CD99L2: variants seen among roughly 807,000 people sequenced by gnomAD.
CD99L2 encodes the protein CD99 antigen-like protein 2.
A neutral mutation model predicts 27.3 loss-of-function variants in CD99L2; 24 were observed. That is an observed-to-expected ratio of 0.88 (90% CI 0.64 to 1.24). The LOEUF is 1.24. CD99L2 is among the 50% of genes most tolerant of loss of function. CD99L2 has a pLI of 0.00. For missense variants in CD99L2, 255 were observed against 221.6 expected, an observed-to-expected ratio of 1.15 and a Z score of -0.96; for synonymous variants, 97 against 87.9, an observed-to-expected ratio of 1.10 and a Z score of -0.58.
intron 1 of CD99L2, among the ~76,000 whole-genome samples, chrX:150,846,179 G>A (rs1406802761): frequency 6.3e-5 from 7 of 111,967 alleles, no homozygotes; most frequent in East Asian, 2.8e-4. Flanking sequence ...GCGACAGTGC[G>A]AGACTCTATC....
At chrX:150,819,323 C>T in intron 2 of CD99L2, 1 of 243,987 alleles carries the variant, frequency 4.1e-6, no homozygotes, top group South Asian at 4.7e-5. Context: ...ATTCCATTTG[C>T]TCTCAATATC....
intron 1 of CD99L2, among the ~76,000 whole-genome samples, chrX:150,854,823 C>G (rs1383974148): frequency 1.8e-5 from 2 of 111,038 alleles, no homozygotes; most frequent in Admixed American, 9.6e-5. Context: ...GCTGCAGAGG[C>G]CCCCGATTAT....
intron 1 of CD99L2, among the ~76,000 whole-genome samples, chrX:150,847,585 T>A (rs782147952): frequency 2.7e-5 from 3 of 110,451 alleles, no homozygotes; most frequent in East Asian, 5.7e-4. Context: ...ATAAAATGAC[T>A]ATCTATCCTT....
intron 1 of CD99L2, among the ~76,000 whole-genome samples, chrX:150,877,716 G>A (rs905920974): frequency 3.6e-4 from 40 of 110,836 alleles, no homozygotes; most frequent in African/African-American, 1.3e-3. Context: ...CTACTCAGGA[G>A]GCTACGGCAG....
intron 1 of CD99L2, among the ~76,000 whole-genome samples, chrX:150,886,110 GAGC>G (rs2124379327): frequency 8.9e-6 from 1 of 112,158 alleles, no homozygotes; most frequent in African/African-American, 3.2e-5. Flanking sequence ...AGAACTGTCT[GAGC>G]TGATACCAAT....
At chrX:150,862,240 C>A (rs1335645410) in intron 1 of CD99L2, among the ~76,000 whole-genome samples, 1 of 112,084 alleles carries the variant, frequency 8.9e-6, no homozygotes, top group Non-Finnish European at 1.9e-5. Flanking sequence ...CCCATTCTAA[C>A]CCCCAGAGCC....
chrX:150,889,338 G>A (rs1557422709), intron 1 of CD99L2, among the ~76,000 whole-genome samples: 1 of 112,331 alleles, frequency 8.9e-6, no homozygotes, highest in East Asian at 2.8e-4. Flanking sequence ...GCCTCCCTGG[G>A]GTTAGCCCAT....
chrX:150,831,848 T>A (rs782239533), intron 1 of CD99L2, among the ~76,000 whole-genome samples: 10 of 111,673 alleles, frequency 9.0e-5, no homozygotes, highest in Non-Finnish European at 1.9e-4. Context: ...ATTAAGAAAG[T>A]ATAACAATTG....
At chrX:150,824,162 G>A (rs1236731971) in intron 2 of CD99L2, among the ~76,000 whole-genome samples, 2 of 25,639 alleles carry the variant, frequency 7.8e-5, no homozygotes, top group African/African-American at 2.5e-4. Context: ...GGAGGAGGAG[G>A]AGGAGGAGGA....
intron 9 of CD99L2, among the ~76,000 whole-genome samples, chrX:150,770,650 G>A (rs782432613): frequency 2.7e-5 from 3 of 113,049 alleles, no homozygotes; most frequent in Admixed American, 1.9e-4. Context: ...AGCTGCCACC[G>A]CGTCAAGACG....
chrX:150,797,693 C>G (rs1382688494), intron 4 of CD99L2, among the ~76,000 whole-genome samples: 1 of 111,890 alleles, frequency 8.9e-6, no homozygotes, highest in East Asian at 2.8e-4. Flanking sequence ...ACAAATATCA[C>G]AACACGTGTG....
intron 9 of CD99L2, among the ~76,000 whole-genome samples, chrX:150,775,184 G>A (rs2043528865): frequency 2.7e-5 from 3 of 112,380 alleles, no homozygotes; most frequent in Admixed American, 1.9e-4. Flanking sequence ...AGACTTAAGG[G>A]CGGAGGGCCA....
chrX:150,774,168 A>G (rs781970412), intron 9 of CD99L2, among the ~76,000 whole-genome samples: 2 of 112,039 alleles, frequency 1.8e-5, no homozygotes, highest in African/African-American at 3.2e-5. Context: ...CATTTTAGTT[A>G]CCAACTAGTT....
At chrX:150,823,880 C>A (rs2046276783) in intron 2 of CD99L2, among the ~76,000 whole-genome samples, 1 of 110,341 alleles carries the variant, frequency 9.1e-6, no homozygotes. Flanking sequence ...ACCCTCATGA[C>A]CCAATCACCT....
intron 1 of CD99L2, among the ~76,000 whole-genome samples, chrX:150,832,720 T>C (rs1403556583): frequency 2.7e-5 from 3 of 110,819 alleles, no homozygotes; most frequent in Non-Finnish European, 5.7e-5. Flanking sequence ...TGTCTCTCTT[T>C]GCAAATGACA....
At chrX:150,811,664 A>G (rs2046073947) in intron 4 of CD99L2, among the ~76,000 whole-genome samples, 1 of 112,031 alleles carries the variant, frequency 8.9e-6, no homozygotes, top group Non-Finnish European at 1.9e-5. Flanking sequence ...AAATATAAGG[A>G]TACCAAGTGC....
At chrX:150,882,292 G>A (rs2047342708) in intron 1 of CD99L2, among the ~76,000 whole-genome samples, 1 of 111,634 alleles carries the variant, frequency 9.0e-6, no homozygotes, top group Non-Finnish European at 1.9e-5. Context: ...GAGCACCAAG[G>A]TTTAGACTCT....
rs369908558 is a variant in CD99L2, at chrX:150,819,077, G to A, written c.131-2999C>T. 1.3e-5 allele frequency: 4 copies of A among 316,624 alleles called. 1 individual carries two copies. The highest frequency in any genetic ancestry group is 5.4e-5 in the African/African-American group (2 of 36,939). The allele number at this position is 316,624 out of a possible 1,213,427, so 26.1% of individuals were successfully genotyped here. On this transcript the variant is annotated intron_variant, in intron 2 of 10. Coordinates refer to ENST00000370377, the MANE Select transcript of CD99L2 (RefSeq NM_031462.4). ...GCAAATGGTAGACCGAATACAAATG[G>A]TTCCCAGTTTTTCATCTCCACTGCC... is the stretch of plus-strand genomic sequence containing the variant.
chrX:150,780,142 C>T (rs1232515355), intron 7 of CD99L2, among the ~76,000 whole-genome samples: 3 of 111,659 alleles, frequency 2.7e-5, no homozygotes, highest in African/African-American at 9.8e-5. Context: ...ATACAAATGG[C>T]CAATAAACAC....
Sources: gnomAD v4.1 joint callset for allele counts (sites outside exome capture counted in the v4.1 genomes callset) on GRCh38, gnomAD v4.1.1 for gene constraint, MANE v1.5 for transcripts, NCBI Gene and HGNC (gene_info 2026-07-23, HGNC 2026-07-21) for gene names.